MAP3K1: variants seen among roughly 807,000 people sequenced by gnomAD.
The protein encoded by MAP3K1 is MAP/ERK kinase kinase 1.
MAP3K1 carries 36 observed loss-of-function variants against 144.2 expected under a neutral mutation model. The ratio of observed to expected loss-of-function variants is 0.25; its 90% CI spans 0.19 to 0.33. The LOEUF is 0.33. Ranked by LOEUF, MAP3K1 falls within the 10% of genes least tolerant of loss-of-function variation. The pLI, the probability that MAP3K1 is intolerant of heterozygous loss-of-function variation, is 1.00. For synonymous variants in MAP3K1, 718 were observed against 688.7 expected (o/e 1.04, Z -0.67); for missense variants, 1,650 against 1,881.9 (o/e 0.88, Z 2.28).
chr5:56,867,976 T>C (rs940022430), intron 6 of MAP3K1, among the ~76,000 whole-genome samples: 6 of 152,144 alleles, frequency 3.9e-5, no homozygotes, highest in African/African-American at 1.4e-4. Flanking sequence ...TAAAACCAAA[T>C]CTAGGTTATA....
intron 1 of MAP3K1, among the ~76,000 whole-genome samples, chr5:56,830,222 T>C (rs1388310733): frequency 1.3e-5 from 2 of 152,216 alleles, no homozygotes; most frequent in East Asian, 3.8e-4. Flanking sequence ...GTCACAGATT[T>C]TGCAGATTAT....
In MAP3K1 at chr5:56,864,899, C is replaced by G. The variant is rs1231817139; in HGVS notation, c.1000C>G (p.Pro334Ala). Residue 334 changes from proline to alanine, a missense_variant, in exon 4 of 20, where the codon CCA (proline) becomes GCA (alanine). Transcript: ENST00000399503. ...CTCTTTCCTGATTGGAGGAGACAGC[C>G]CAGACAATAAATACCGGGTGTTTAT... ...PNSFLIGGDS[P>A]DNKYRVFIGP... is the part of the protein sequence containing the mutation. 6.2e-7 allele frequency: 1 copy of G among 1,613,734 alleles called. No homozygotes were observed. Among genetic ancestry groups the G allele is most frequent in the Non-Finnish European group, 8.5e-7 (1 of 1,179,968 alleles).
At chr5:56,859,312 A>G (rs1747432656) in intron 2 of MAP3K1, among the ~76,000 whole-genome samples, 1 of 152,164 alleles carries the variant, frequency 6.6e-6, no homozygotes, top group Non-Finnish European at 1.5e-5. Context: ...ACGTACCTAG[A>G]TCTTTGATCT....
intron 1 of MAP3K1, among the ~76,000 whole-genome samples, chr5:56,851,011 A>G (rs755000725): frequency 2.0e-5 from 3 of 152,186 alleles, no homozygotes; most frequent in Non-Finnish European, 2.9e-5. Flanking sequence ...CAATGGCGCA[A>G]TCTCAGCTCA....
chr5:56,838,921 G>T (rs943888883), intron 1 of MAP3K1, among the ~76,000 whole-genome samples: 1 of 151,852 alleles, frequency 6.6e-6, no homozygotes, highest in African/African-American at 2.4e-5. Context: ...TTTTGAGCTA[G>T]GAGCAAATGG....
chr5:56,851,052 T>G (rs1001322196), intron 1 of MAP3K1, among the ~76,000 whole-genome samples: 3 of 152,228 alleles, frequency 2.0e-5, no homozygotes, highest in Non-Finnish European at 2.9e-5. Flanking sequence ...GTTCAAGTGA[T>G]TCTCCTGCCT....
Position 56,884,666 on chromosome 5 carries a change from G to A in MAP3K1, c.3822G>A (p.Val1274=). The change falls in exon 16 of 20, where the codon GTG becomes GTA. Residue 1274 remains valine (V), a splice_region_variant and synonymous_variant. Coordinates refer to ENST00000399503, the MANE Select transcript of MAP3K1 (RefSeq NM_005921.2). ...GTGAACGTGTTTATTTGAAACAGGT[G>A]ACTTATGTCAGAAACACATCTTCTG... ...GTGTLMAVKQ[V]TYVRNTSSEQ... 1 of 1,613,600 alleles carries A rather than the reference G, an allele frequency of 6.2e-7. No homozygotes were observed. Among genetic ancestry groups the A allele is most frequent in the Non-Finnish European group, 8.5e-7 (1 of 1,179,784 alleles).
At chr5:56,857,860 C>T (rs2111867776) in intron 2 of MAP3K1, among the ~76,000 whole-genome samples, 1 of 152,312 alleles carries the variant, frequency 6.6e-6, no homozygotes, top group Middle Eastern at 3.4e-3. Context: ...ATATTTTACC[C>T]ACTGGTTCTC....
chr5:56,832,864 G>A (rs1746537388), intron 1 of MAP3K1, among the ~76,000 whole-genome samples: 1 of 152,084 alleles, frequency 6.6e-6, no homozygotes, highest in African/African-American at 2.4e-5. Context: ...AGCATTTTAA[G>A]TTTTTGTTTT....
intron 1 of MAP3K1, among the ~76,000 whole-genome samples, chr5:56,850,452 T>C (rs1747134791): frequency 6.6e-6 from 1 of 152,244 alleles, no homozygotes; most frequent in South Asian, 2.1e-4. Flanking sequence ...AGTGAAATGC[T>C]CTAATAATGA....
chr5:56,886,272 C>T (rs981368798), intron 17 of MAP3K1, among the ~76,000 whole-genome samples: 31 of 151,966 alleles, frequency 2.0e-4, no homozygotes, highest in Admixed American at 5.9e-4. Context: ...GGTAAGGTGG[C>T]GCATGCCTGT....
intron 1 of MAP3K1, among the ~76,000 whole-genome samples, chr5:56,851,831 C>T (rs1747182806): frequency 6.6e-6 from 1 of 152,108 alleles, no homozygotes; most frequent in African/African-American, 2.4e-5. Context: ...CTGGGCAGAC[C>T]CTTCGCTTCC....
intron 1 of MAP3K1, among the ~76,000 whole-genome samples, chr5:56,849,356 A>T (rs879890674): frequency 2.1e-3 from 304 of 145,620 alleles, no homozygotes; most frequent in Middle Eastern, 3.5e-3. Context: ...CTGTCTTTAA[A>T]AAAAAAAAAA....
chr5:56,878,007 G>A lies in MAP3K1; in HGVS notation c.1966-973G>A, dbSNP rs560303966. Among the ~76,000 whole-genome samples the A allele has an allele frequency of 5.9e-5, 9 of 152,320 alleles. No individual in the cohort carries two copies. In the South Asian group the frequency reaches 1.9e-3, roughly 32 times the overall value. On this transcript the variant is annotated intron_variant, in intron 10 of 19. Coordinates refer to ENST00000399503, the MANE Select transcript of MAP3K1 (RefSeq NM_005921.2). ...TTTTTCACAAGAACGCCACAGAGGT[G>A]ACAGGCCTTTCTTAGTGCATCATAT... is the stretch of plus-strand genomic sequence containing the variant.
chr5:56,879,162 C>A (rs1748128724), intron 11 of MAP3K1, 61 bp downstream of exon 11: 9 of 1,584,956 alleles, frequency 5.7e-6, no homozygotes, highest in Non-Finnish European at 7.8e-6. Context: ...TCGCAGCAAG[C>A]CTCACACCTA....
intron 11 of MAP3K1, among the ~76,000 whole-genome samples, chr5:56,879,454 G>C (rs984478941): frequency 1.3e-5 from 2 of 152,072 alleles, no homozygotes; most frequent in Non-Finnish European, 2.9e-5. Context: ...CACAGAATAG[G>C]AACCAGTAAG....
At position 56,872,812 on chromosome 5, in the gene MAP3K1, T is replaced by G; in HGVS notation, c.1506-13T>G. ...AATTTTTTTAAAGCAAGTTTTGTTA[T>G]TTTTCATTTTAGCCACGAGTTGTCA... On this transcript the variant is annotated splice_polypyrimidine_tract_variant and intron_variant, in intron 8 of 19. Coordinates refer to ENST00000399503, the MANE Select transcript of MAP3K1 (RefSeq NM_005921.2). 6.2e-7 allele frequency: 1 copy of G among 1,614,122 alleles called. No individual in the cohort carries two copies. The highest frequency in any genetic ancestry group is 8.5e-7 in the Non-Finnish European group (1 of 1,179,950).
intron 19 of MAP3K1, among the ~76,000 whole-genome samples, chr5:56,892,933 T>A (rs1402637363): frequency 2.0e-5 from 3 of 151,954 alleles, no homozygotes; most frequent in African/African-American, 7.3e-5. Flanking sequence ...TTGAATTTTT[T>A]TAGAAAAACT....
At chr5:56,827,339 G>A (rs1283638390) in intron 1 of MAP3K1, among the ~76,000 whole-genome samples, 1 of 152,232 alleles carries the variant, frequency 6.6e-6, no homozygotes, top group Non-Finnish European at 1.5e-5. Flanking sequence ...AGAGTGTTAG[G>A]AAGTGGGTCA....
Sources: allele counts gnomAD v4.1 joint callset (sites outside exome capture counted in the v4.1 genomes callset), GRCh38; gene constraint gnomAD v4.1.1; transcripts MANE v1.5; gene names NCBI Gene and HGNC (gene_info 2026-07-23, HGNC 2026-07-21).